The following COL5A2 variants were observed in gnomAD, a reference collection of about 807,000 sequenced individuals.
COL5A2 encodes collagen alpha-2(V) chain.
A neutral mutation model predicts 208.2 loss-of-function variants in COL5A2; 23 were observed. The observed-to-expected ratio is 0.11, with a 90% CI of 0.08 to 0.16. The LOEUF (loss-of-function observed/expected upper bound fraction) is 0.16. Ranked by LOEUF, COL5A2 falls within the 10% of genes least tolerant of loss-of-function variation. The pLI is 1.00. For synonymous variants in COL5A2, 625 were observed against 628.5 expected (o/e 0.99, Z 0.08); for missense variants, 1,590 against 1,956.4 (o/e 0.81, Z 3.53).
chr2:189,127,067 C>T (rs1188018577), intron 1 of COL5A2, among the ~76,000 whole-genome samples: 1 of 151,968 alleles, frequency 6.6e-6, no homozygotes, highest in African/African-American at 2.4e-5. Context: ...ATTGCTTAGC[C>T]ATTGTAGGGG....
chr2:189,178,675 G>GA (rs1455767079), intron 1 of COL5A2, among the ~76,000 whole-genome samples: 1 of 118,540 alleles, frequency 8.4e-6, no homozygotes, highest in African/African-American at 3.4e-5. Flanking sequence ...AATTGCATAG[G>GA]AAAAAAATGT....
At chr2:189,214,890 C>G (rs1186473473) in intron 1 of COL5A2, among the ~76,000 whole-genome samples, 1 of 152,072 alleles carries the variant, frequency 6.6e-6, no homozygotes, top group African/African-American at 2.4e-5. Context: ...TCCAACTGCA[C>G]CTATTATTAT....
chr2:189,402,613 G>A, the COL5A2 span, among the ~76,000 whole-genome samples: 1 of 152,102 alleles, frequency 6.6e-6, no homozygotes, highest in Non-Finnish European at 1.5e-5. Flanking sequence ...TTTTTCATAT[G>A]GCTAGCCAGT....
At chr2:189,169,550 C>T (rs1559134849) in intron 1 of COL5A2, among the ~76,000 whole-genome samples, 1 of 151,900 alleles carries the variant, frequency 6.6e-6, no homozygotes, top group Non-Finnish European at 1.5e-5. Flanking sequence ...TGATATATTA[C>T]CAAAATGATC....
Position 189,097,296 on chromosome 2 carries a change from C to T in COL5A2, c.437G>A (p.Arg146Gln), listed in dbSNP as rs144430633. 36 of 1,614,096 alleles carry T rather than the reference C, an allele frequency of 2.2e-5. No homozygotes were observed. Among genetic ancestry groups the T allele is most frequent in the African/African-American group, 1.6e-4 (12 of 75,016 alleles). Reference protein sequence around the residue: ...PPGSQGPRGERGPKGRPGPRG... With the variant: ...PPGSQGPRGEQGPKGRPGPRG... ...ACTTACAGGTCTTCCTTTTGGCCCT[C>T]GCTCTCCTCTTGGTCCCTGTGATCC... is the stretch of plus-strand genomic sequence containing the variant. The change falls in exon 6 of 54, where the codon CGA (arginine) becomes CAA (glutamine). Residue 146 changes from arginine to glutamine, a missense_variant. Coordinates refer to ENST00000374866, the MANE Select transcript of COL5A2 (RefSeq NM_000393.5).
the COL5A2 span, among the ~76,000 whole-genome samples, chr2:189,381,926 T>A: frequency 6.6e-6 from 1 of 152,104 alleles, no homozygotes; most frequent in Non-Finnish European, 1.5e-5. Flanking sequence ...TTTATTATTG[T>A]GTCATTAGAT....
the COL5A2 span, among the ~76,000 whole-genome samples, chr2:189,420,420 G>C: frequency 6.6e-6 from 1 of 152,072 alleles, no homozygotes; most frequent in Non-Finnish European, 1.5e-5. Flanking sequence ...TAAAATACAG[G>C]CATGAAAATA....
the COL5A2 span, among the ~76,000 whole-genome samples, chr2:189,359,641 G>A: frequency 6.6e-6 from 1 of 152,110 alleles, no homozygotes; most frequent in Non-Finnish European, 1.5e-5. Flanking sequence ...GAGTAGAATT[G>A]GTGTTGGCTC....
the COL5A2 span, among the ~76,000 whole-genome samples, chr2:189,400,720 T>C: frequency 6.6e-6 from 1 of 152,162 alleles, no homozygotes; most frequent in Admixed American, 6.5e-5. Flanking sequence ...ACTGACAAAA[T>C]GCATATCTCA....
the COL5A2 span, among the ~76,000 whole-genome samples, chr2:189,350,299 A>G: frequency 3.9e-4 from 59 of 152,286 alleles, no homozygotes; most frequent in Middle Eastern, 0.01. Context: ...GAACAAAATG[A>G]AGGTCAATCT....
At chr2:189,307,502 G>A in the COL5A2 span, among the ~76,000 whole-genome samples, 2 of 152,230 alleles carry the variant, frequency 1.3e-5, no homozygotes, top group East Asian at 1.9e-4. Context: ...ATTTTTAAAT[G>A]TGTGTCAATC....
chr2:189,405,483 G>C, the COL5A2 span, among the ~76,000 whole-genome samples: 3 of 152,014 alleles, frequency 2.0e-5, no homozygotes, highest in African/African-American at 7.2e-5. Flanking sequence ...TGCTCACCTC[G>C]CCTCACAAAA....
At chr2:189,242,075 T>C in the COL5A2 span, among the ~76,000 whole-genome samples, 7 of 152,298 alleles carry the variant, frequency 4.6e-5, no homozygotes, top group South Asian at 1.0e-3. Flanking sequence ...TATTGACTTA[T>C]AAAGACATTT....
the COL5A2 span, among the ~76,000 whole-genome samples, chr2:189,252,872 A>G: frequency 1.3e-5 from 2 of 152,190 alleles, no homozygotes; most frequent in African/African-American, 4.8e-5. Context: ...ACATTTGAGA[A>G]GTTTGAGAAA....
chr2:189,096,621 CAAAAAAAAAAAA>C (rs777945216), intron 6 of COL5A2, among the ~76,000 whole-genome samples: 1 of 71,134 alleles, frequency 1.4e-5, no homozygotes, highest in Admixed American at 1.5e-4. Flanking sequence ...GACTCCGTCT[CAAAAAAAAAAAA>C]AAAAAGAAAA....
intron 6 of COL5A2, among the ~76,000 whole-genome samples, chr2:189,094,122 G>A (rs926183735): frequency 3.3e-5 from 5 of 152,010 alleles, no homozygotes; most frequent in African/African-American, 9.7e-5. Flanking sequence ...TTAACACTTC[G>A]TATTTCAAAG....
chr2:189,033,733 A>C lies in COL5A2; in HGVS notation c.*337T>G. On this transcript the variant is annotated 3_prime_UTR_variant, in exon 54 of 54. Transcript: ENST00000374866. ...GAAGAAGAATTTCCTCATAAATACTAAGCAACTTTTTCATTACACTGAAAT... is the reference window on the plus strand; with the variant it reads ...GAAGAAGAATTTCCTCATAAATACTCAGCAACTTTTTCATTACACTGAAAT... 1 of 328,654 alleles carries C rather than the reference A, an allele frequency of 3.0e-6. No individual in the cohort carries two copies. Among genetic ancestry groups the C allele is most frequent in the Non-Finnish European group, 5.8e-6 (1 of 171,920 alleles). The allele number at this position is 328,654 out of a possible 1,614,324, so 20.4% of individuals were successfully genotyped here. A position where few individuals can be genotyped will look rare whatever the true frequency, so the allele number is the denominator to read the frequency against.
chr2:189,297,644 C>T, the COL5A2 span, among the ~76,000 whole-genome samples: 2 of 152,110 alleles, frequency 1.3e-5, no homozygotes, highest in Non-Finnish European at 2.9e-5. Flanking sequence ...GTCTAACCCA[C>T]ATAAAACCAC....
chr2:189,386,212 C>G, the COL5A2 span, among the ~76,000 whole-genome samples: 1 of 151,916 alleles, frequency 6.6e-6, no homozygotes, highest in African/African-American at 2.4e-5. Context: ...TATCAATAAG[C>G]AATATCAATA....
Sources: allele counts gnomAD v4.1 joint callset (sites outside exome capture counted in the v4.1 genomes callset), GRCh38; gene constraint gnomAD v4.1.1; transcripts MANE v1.5; gene names NCBI Gene and HGNC (gene_info 2026-07-23, HGNC 2026-07-21).